Variants in AMN observed in about 807,000 individuals in gnomAD.
AMN encodes protein amnionless.
AMN carries 40 observed loss-of-function variants against 49.1 expected under a neutral mutation model. The ratio of observed to expected loss-of-function variants is 0.81; its 90% CI spans 0.63 to 1.06. The LOEUF (loss-of-function observed/expected upper bound fraction) is 1.06, where lower values mean the gene tolerates loss of function less well. Ranked by LOEUF, AMN falls within the 50% of genes least tolerant of loss-of-function variation. The probability of loss-of-function intolerance (pLI) is 0.00; values close to 1 mark genes in which losing one functional copy is unlikely to be tolerated. For synonymous variants in AMN, 380 were observed against 313.3 expected (o/e 1.21, Z -2.25); for missense variants, 701 against 662.8 (o/e 1.06, Z -0.63).
chr14:102,923,930 T>C lies in AMN; in HGVS notation c.163-5T>C, dbSNP rs1244952191. On this transcript the variant is annotated splice_region_variant and splice_polypyrimidine_tract_variant and intron_variant, in intron 2 of 11. Transcript: ENST00000299155. ...CGGCTCGGCTGAGGCAGCTTCTTCCTGCAGATGGTGTCAGTCCTGGTGCAA... is the reference window on the plus strand; with the variant it reads ...CGGCTCGGCTGAGGCAGCTTCTTCCCGCAGATGGTGTCAGTCCTGGTGCAA... 1 of 1,613,166 alleles carries C rather than the reference T, an allele frequency of 6.2e-7. No individual in the cohort carries two copies.
intron 1 of AMN, 88 bp downstream of exon 1, chr14:102,922,819 G>A: frequency 1.3e-6 from 2 of 1,499,238 alleles, no homozygotes; most frequent in South Asian, 1.2e-5. Context: ...GGAGGGTGAA[G>A]ATCTTCCGAG....
At chr14:102,925,524 T>G (rs1260306539) in intron 3 of AMN, among the ~76,000 whole-genome samples, 1 of 152,000 alleles carries the variant, frequency 6.6e-6, no homozygotes, top group African/African-American at 2.4e-5. Flanking sequence ...ACGCATAACC[T>G]TGGCAACCAG....
intron 3 of AMN, among the ~76,000 whole-genome samples, chr14:102,927,318 G>T (rs1259000427): frequency 6.6e-6 from 1 of 152,136 alleles, no homozygotes; most frequent in African/African-American, 2.4e-5. Context: ...CAAACTCCTG[G>T]CCTTACCTAC....
rs369631445 is a variant in AMN, at chr14:102,929,766, G to A, written c.843+29G>A. ...ATGGGGCCGCGCGGGCAGCTGAGGG[G>A]AGTCCCGACCCCAGCCCTACCGCCT... On this transcript the variant is annotated intron_variant, in intron 8 of 11. Coordinates refer to ENST00000299155, the MANE Select transcript of AMN (RefSeq NM_030943.4). 6.8e-5 allele frequency: 105 copies of A among 1,548,322 alleles called. 1 individual carries two copies. In the African/African-American group the frequency reaches 1.0e-3, roughly 15 times the overall value.
At position 102,929,125 on chromosome 14, in the gene AMN, T is replaced by C. The variant is rs1038280955; in HGVS notation, c.518T>C (p.Phe173Ser). 4 of 1,597,496 alleles carry C rather than the reference T, an allele frequency of 2.5e-6. No homozygotes were observed. The highest frequency in any genetic ancestry group is 3.4e-6 in the Non-Finnish European group (4 of 1,179,594). Residue 173 changes from phenylalanine (F) to serine (S), a missense_variant, in exon 6 of 12, where the codon TTC (phenylalanine) becomes TCC (serine). By Grantham distance (155) the Phe-to-Ser change is radical. Transcript: ENST00000299155. ...VRSISALGRTFTRDEDLAVFL... is the reference protein window; with the variant it reads ...VRSISALGRTSTRDEDLAVFL... The stretch of plus-strand genomic sequence containing the variant: ...TGGGGACCCGGCTGCCCGCAGACGT[T>C]CACGCGCGACGAGGACCTGGCTGTT...
In AMN at chr14:102,930,469, C is replaced by CGGAACCGGAG; in HGVS notation, c.1234_1235insGAACCGGAGG (p.Asp412GlyfsTer?). On this transcript the variant is annotated frameshift_variant, in exon 11 of 12. Transcript: ENST00000299155. LOFTEE classifies it low-confidence loss of function (END_TRUNC). ...CCCTCGGCTTCCGCAACCCGGTGTT[C>CGGAACCGGAG]GACGTGACGGCCTCCGAGGAGCTGG... The CGGAACCGGAG allele has an allele frequency of 6.5e-7, 1 of 1,531,488 alleles. No individual in the cohort carries two copies. Among genetic ancestry groups the CGGAACCGGAG allele is most frequent in the Non-Finnish European group, 8.8e-7 (1 of 1,142,122 alleles). 94.9% of individuals were successfully genotyped at this position (1,531,488 alleles called of 1,614,324 possible). A position where few individuals can be genotyped will look rare whatever the true frequency, so the allele number is the denominator to read the frequency against.
Position 102,928,813 on chromosome 14 carries a change from G to A in AMN, c.351G>A (p.Leu117=). The A allele has an allele frequency of 6.2e-7, 1 of 1,607,854 alleles. No individual in the cohort carries two copies. The highest frequency in any genetic ancestry group is 8.5e-7 in the Non-Finnish European group (1 of 1,179,850). Residue 117 remains leucine, a synonymous_variant, in exon 5 of 12, where the codon CTG becomes CTA. Coordinates refer to ENST00000299155, the MANE Select transcript of AMN (RefSeq NM_030943.4). ...GCTTCTCCTGGCATGACCCGCACCT[G>A]TGGCGCTCTGGGGACGAGGCACCTG... ...SDRFSWHDPH[L]WRSGDEAPGL... is the part of the protein sequence containing the mutation.
In AMN at chr14:102,930,336, G is replaced by A; in HGVS notation, c.1169+9G>A. The stretch of plus-strand genomic sequence containing the variant: ...CGCGCGGGGAGGCTCAGGTACGCGG[G>A]GCGGGGGCGCGGAGGTGGGGCTGGG... On this transcript the variant is annotated intron_variant, in intron 10 of 11. Coordinates refer to ENST00000299155, the MANE Select transcript of AMN (RefSeq NM_030943.4). The A allele has an allele frequency of 7.1e-7, 1 of 1,408,020 alleles. No individual in the cohort carries two copies. The highest frequency in any genetic ancestry group is 9.2e-7 in the Non-Finnish European group (1 of 1,088,970). The allele number at this position is 1,408,020 out of a possible 1,614,324, so 87.2% of individuals were successfully genotyped here.
intron 4 of AMN, 59 bp downstream of exon 4, chr14:102,928,572 A>C (rs1007650081): frequency 6.5e-7 from 1 of 1,548,016 alleles, no homozygotes; most frequent in Non-Finnish European, 8.7e-7. Flanking sequence ...CGGGGACTGG[A>C]GGGAAGGCGC....
intron 8 of AMN, 36 bp downstream of exon 8, chr14:102,929,773 G>A (rs1891290303): frequency 2.6e-6 from 4 of 1,547,666 alleles, no homozygotes; most frequent in Non-Finnish European, 3.5e-6. Context: ...GGGGAGTCCC[G>A]ACCCCAGCCC....
chr14:102,926,002 C>T (rs1891178916), intron 3 of AMN, among the ~76,000 whole-genome samples: 1 of 152,150 alleles, frequency 6.6e-6, no homozygotes, highest in Admixed American at 6.5e-5. Context: ...TTTTCCTTGC[C>T]CTTCCTCCCA....
At chr14:102,927,746 G>T (rs1260499167) in intron 3 of AMN, among the ~76,000 whole-genome samples, 1 of 152,218 alleles carries the variant, frequency 6.6e-6, no homozygotes, top group Admixed American at 6.5e-5. Context: ...GGAGGCTGAG[G>T]TCCTGGCACT....
chr14:102,922,888 G>C (rs1891090993), intron 1 of AMN, 157 bp downstream of exon 1: 2 of 1,052,314 alleles, frequency 1.9e-6, no homozygotes, highest in East Asian at 5.5e-5. Flanking sequence ...TGCCTCCCTC[G>C]TCTGGCGAGT....
chr14:102,930,643 T>A lies in AMN; in HGVS notation c.1325T>A (p.Val442Asp), dbSNP rs766026073. 2 of 1,597,450 alleles carry A rather than the reference T, an allele frequency of 1.3e-6. No homozygotes were observed. Among genetic ancestry groups the A allele is most frequent in the Admixed American group, 3.4e-5 (2 of 58,690 alleles). ...GACAGCACCAGCCACAGTTACTTCG[T>A]CAACCCTCTGTTCGCCGGGGCCGAG... Reference protein sequence around the residue: ...AADSTSHSYFVNPLFAGAEAE... With the variant: ...AADSTSHSYFDNPLFAGAEAE... Residue 442 changes from valine (V) to aspartate (D), a missense_variant, in exon 12 of 12, where the codon GTC (valine) becomes GAC (aspartate). Physicochemically the swap from Val to Asp is radical, Grantham distance 152 (BLOSUM62 -3). Coordinates refer to ENST00000299155, the MANE Select transcript of AMN (RefSeq NM_030943.4).
chr14:102,922,996 T>C (rs1891094900), intron 1 of AMN: 2 of 498,680 alleles, frequency 4.0e-6, no homozygotes, highest in Middle Eastern at 5.3e-4. Flanking sequence ...CGGCGGCTCC[T>C]GCCCTCGCGG....
rs1475924326 is a variant in AMN, at chr14:102,930,399, C to A, written c.1170-7C>A. The A allele has an allele frequency of 3.1e-5, 47 of 1,514,854 alleles. No individual in the cohort carries two copies. Among genetic ancestry groups the A allele is most frequent in the Middle Eastern group, 2.3e-4 (1 of 4,388 alleles). 93.8% of individuals were successfully genotyped at this position (1,514,854 alleles called of 1,614,324 possible). ...GGGCTCACGCTGCGTCCCCGCTACG[C>A]CCTCAGGTGGAGGAGGCACGAGGCG... On this transcript the variant is annotated splice_region_variant and splice_polypyrimidine_tract_variant and intron_variant, in intron 10 of 11. Transcript: ENST00000299155.
In AMN at chr14:102,928,826, GA is replaced by G; in HGVS notation, c.365del (p.Asp122AlafsTer77). The G allele has an allele frequency of 1.2e-6, 2 of 1,607,042 alleles. No individual in the cohort carries two copies. Among genetic ancestry groups the G allele is most frequent in the Non-Finnish European group, 1.7e-6 (2 of 1,179,850 alleles). On this transcript the variant is annotated frameshift_variant, in exon 5 of 12. Coordinates refer to ENST00000299155, the MANE Select transcript of AMN (RefSeq NM_030943.4). LOFTEE classifies it high-confidence loss of function. ...WHDPHLWRSG[D>X]EAPGLFFVDA... ...TGACCCGCACCTGTGGCGCTCTGGG[GA>G]CGAGGCACCTGGCCTCTTCTTCGTG...
Position 102,930,441 on chromosome 14 carries a change from C to T in AMN, c.1205C>T (p.Ala402Val). 6.6e-7 allele frequency: 1 copy of T among 1,523,650 alleles called. No homozygotes were observed. The highest frequency in any genetic ancestry group is 1.2e-5 in the South Asian group (1 of 82,558). 94.4% of individuals were successfully genotyped at this position (1,523,650 alleles called of 1,614,324 possible). ...CACGAGGCGGCGGCCCCGGCTGGAG[C>T]GCCCCTCGGCTTCCGCAACCCGGTG... ...RRHEAAAPAG[A>V]PLGFRNPVFD... is the part of the protein sequence containing the mutation. The change falls in exon 11 of 12, where the codon GCG becomes GTG. Residue 402 changes from alanine to valine, a missense_variant. Coordinates refer to ENST00000299155, the MANE Select transcript of AMN (RefSeq NM_030943.4).
chr14:102,924,908 G>GA (rs35919524), intron 3 of AMN, among the ~76,000 whole-genome samples: 1 of 152,028 alleles, frequency 6.6e-6, no homozygotes, highest in African/African-American at 2.4e-5. Flanking sequence ...AATCGTTGGG[G>GA]AAAAAAAGAA....
Sources: allele counts gnomAD v4.1 joint callset (sites outside exome capture counted in the v4.1 genomes callset), GRCh38; gene constraint gnomAD v4.1.1; transcripts MANE v1.5; gene names NCBI Gene and HGNC (gene_info 2026-07-23, HGNC 2026-07-21).